The following ARHGAP15 variants were observed in gnomAD, a reference collection of about 807,000 sequenced individuals.
The protein encoded by ARHGAP15 is Rho GTPase activating protein 15.
A neutral mutation model predicts 63.7 loss-of-function variants in ARHGAP15; 51 were observed. The observed-to-expected ratio is 0.80, with a 90% CI of 0.64 to 1.01. The LOEUF (loss-of-function observed/expected upper bound fraction) is 1.01. ARHGAP15 is among the 50% of genes least tolerant of loss of function. The pLI is 0.00. For missense variants in ARHGAP15, 560 were observed against 564.6 expected (o/e 0.99, Z 0.08); for synonymous variants, 191 against 193.8 (o/e 0.99, Z 0.12).
At chr2:143,709,669 A>G (rs1248758710) in intron 13 of ARHGAP15, among the ~76,000 whole-genome samples, 1 of 152,142 alleles carries the variant, frequency 6.6e-6, no homozygotes, top group Non-Finnish European at 1.5e-5. Flanking sequence ...AAGTAAACCA[A>G]TATTTAAAGC....
At chr2:143,511,669 C>G (rs1211972341) in intron 9 of ARHGAP15, among the ~76,000 whole-genome samples, 1 of 152,104 alleles carries the variant, frequency 6.6e-6, no homozygotes, top group Admixed American at 6.5e-5. Context: ...GGACAAAGTT[C>G]ATTAATGCTT....
intron 8 of ARHGAP15, among the ~76,000 whole-genome samples, chr2:143,466,652 C>T (rs1308848271): frequency 1.3e-5 from 2 of 151,990 alleles, no homozygotes; most frequent in African/African-American, 4.8e-5. Flanking sequence ...TTTTTGTGCA[C>T]ACATTTGCAA....
chr2:143,323,361 G>A (rs1321174319), intron 6 of ARHGAP15, among the ~76,000 whole-genome samples: 1 of 152,154 alleles, frequency 6.6e-6, no homozygotes, highest in Non-Finnish European at 1.5e-5. Flanking sequence ...GCTTTCTTCA[G>A]GAATCTTTAG....
chr2:143,705,347 G>C (rs547799202), intron 13 of ARHGAP15, among the ~76,000 whole-genome samples: 16 of 152,142 alleles, frequency 1.1e-4, no homozygotes, highest in Non-Finnish European at 2.2e-4. Flanking sequence ...TTTAGTGAAA[G>C]GATCTTGGGC....
intron 6 of ARHGAP15, among the ~76,000 whole-genome samples, chr2:143,319,084 TCTC>T (rs1465441420): frequency 2.0e-5 from 3 of 152,142 alleles, no homozygotes; most frequent in Non-Finnish European, 4.4e-5. Context: ...TAGCCATCTG[TCTC>T]CTATCTCCTA....
At chr2:143,139,923 C>T (rs1689294170) in intron 1 of ARHGAP15, among the ~76,000 whole-genome samples, 1 of 152,050 alleles carries the variant, frequency 6.6e-6, no homozygotes, top group Admixed American at 6.6e-5. Context: ...TGCATTGGCT[C>T]ATCTGTAAAA....
chr2:143,465,560 GTAT>G (rs1691158888), intron 8 of ARHGAP15, among the ~76,000 whole-genome samples: 4 of 151,874 alleles, frequency 2.6e-5, no homozygotes, highest in Non-Finnish European at 4.4e-5. Flanking sequence ...AATATCTGTT[GTAT>G]TTATTTTAGC....
At chr2:143,141,879 A>ACAGTC (rs1334708618) in intron 1 of ARHGAP15, among the ~76,000 whole-genome samples, 5 of 152,094 alleles carry the variant, frequency 3.3e-5, no homozygotes, top group African/African-American at 1.2e-4. Flanking sequence ...ACTACGAGCC[A>ACAGTC]CAGTCGGGAA....
At position 143,706,286 on chromosome 2, in the gene ARHGAP15, G is replaced by A. The variant is rs547734433; in HGVS notation, c.1244+2762G>A. 3.5e-4 allele frequency: 54 copies of A among 152,264 alleles called. 1 individual carries two copies. Among genetic ancestry groups the A allele is most frequent in the Admixed American group, 1.6e-3 (24 of 15,294 alleles). The allele number at this position is 152,264 out of a possible 1,614,324, so 9.4% of individuals were successfully genotyped here. On this transcript the variant is annotated intron_variant, in intron 13 of 13. Transcript: ENST00000295095. Reference sequence around the variant, plus strand: ...GTTTAACAGGAATTTAAATATATTCGTGTTTGAAAGAATCATTAGAATGTT... The same window carrying A: ...GTTTAACAGGAATTTAAATATATTCATGTTTGAAAGAATCATTAGAATGTT...
intron 6 of ARHGAP15, among the ~76,000 whole-genome samples, chr2:143,255,891 A>G (rs181277679): frequency 2.0e-4 from 30 of 152,300 alleles, no homozygotes; most frequent in African/African-American, 7.0e-4. Flanking sequence ...TTCACGTCTA[A>G]CACAGTTGTT....
chr2:143,373,920 C>T (rs983116249), intron 6 of ARHGAP15, among the ~76,000 whole-genome samples: 1 of 151,828 alleles, frequency 6.6e-6, no homozygotes, highest in Non-Finnish European at 1.5e-5. Flanking sequence ...ACAAGAAATC[C>T]CAAATACATG....
intron 12 of ARHGAP15, among the ~76,000 whole-genome samples, chr2:143,655,169 T>C (rs1011127580): frequency 6.6e-6 from 1 of 152,172 alleles, no homozygotes; most frequent in Admixed American, 6.5e-5. Context: ...ACAGGTGGTA[T>C]TTGGTTACAT....
chr2:143,288,180 G>A (rs1481497585), intron 6 of ARHGAP15, among the ~76,000 whole-genome samples: 1 of 152,132 alleles, frequency 6.6e-6, no homozygotes, highest in South Asian at 2.1e-4. Context: ...GTGACAGAAG[G>A]TGTCATTCAA....
At chr2:143,473,950 C>T (rs1691696321) in intron 8 of ARHGAP15, among the ~76,000 whole-genome samples, 2 of 152,088 alleles carry the variant, frequency 1.3e-5, no homozygotes, top group South Asian at 2.1e-4. Flanking sequence ...GTAAACAAGC[C>T]TGAAGAAGAC....
chr2:143,494,001 TG>T (rs1438354226), intron 9 of ARHGAP15, among the ~76,000 whole-genome samples: 15 of 152,284 alleles, frequency 9.9e-5, no homozygotes, highest in Admixed American at 3.3e-4. Flanking sequence ...TCAGAATCAT[TG>T]GGGGGTTTTG....
chr2:143,447,267 A>G (rs1284855953), intron 8 of ARHGAP15, among the ~76,000 whole-genome samples: 1 of 152,200 alleles, frequency 6.6e-6, no homozygotes, highest in Non-Finnish European at 1.5e-5. Context: ...AAAAGCAAGG[A>G]AAGATTTTAT....
intron 6 of ARHGAP15, among the ~76,000 whole-genome samples, chr2:143,315,424 T>C (rs1413604486): frequency 6.6e-6 from 1 of 152,186 alleles, no homozygotes; most frequent in Non-Finnish European, 1.5e-5. Context: ...ATAATAACAA[T>C]AGCTTACTTT....
chr2:143,375,980 T>C (rs374845340), intron 6 of ARHGAP15, among the ~76,000 whole-genome samples: 51 of 152,352 alleles, frequency 3.3e-4, no homozygotes, highest in South Asian at 2.7e-3. Flanking sequence ...AAATGCACTA[T>C]GCAAAGAGAA....
intron 8 of ARHGAP15, among the ~76,000 whole-genome samples, chr2:143,450,832 C>T (rs553954195): frequency 1.9e-3 from 292 of 152,016 alleles, no homozygotes; most frequent in African/African-American, 6.8e-3. Flanking sequence ...CAAATCCATC[C>T]TCTAAATTAT....
Sources: allele counts gnomAD v4.1 joint callset (sites outside exome capture counted in the v4.1 genomes callset), GRCh38; gene constraint gnomAD v4.1.1; transcripts MANE v1.5; gene names NCBI Gene and HGNC (gene_info 2026-07-23, HGNC 2026-07-21).